The following PORCN variants were observed in gnomAD, a reference collection of about 807,000 sequenced individuals.
PORCN encodes porcupine O-acyltransferase, also known as protein-serine O-palmitoleoyltransferase porcupine.
A neutral mutation model predicts 43.0 loss-of-function variants in PORCN; 1 was observed. That is an observed-to-expected ratio of 0.02 (90% CI 0.01 to 0.11). The LOEUF is 0.11. Among genes scored for constraint, PORCN ranks in the 10% least tolerant of loss-of-function variants. PORCN has a pLI of 1.00. For missense variants in PORCN, 240 were observed against 392.1 expected (o/e 0.61, Z 3.28); for synonymous variants, 148 against 166.4 (o/e 0.89, Z 0.85).
chrX:48,513,977 G>A (rs992177867), intron 7 of PORCN, 150 bp from the exon 8 acceptor site: 3 of 611,380 alleles, frequency 4.9e-6, no homozygotes, highest in African/African-American at 2.2e-5. Flanking sequence ...AACTGCCTGA[G>A]GGTGGATGTC....
Position 48,515,733 on chromosome X carries a change from T to C in PORCN, c.963T>C (p.Ala321=). The change falls in exon 11 of 15, where the codon GCT becomes GCC. Residue 321 remains alanine, a synonymous_variant. Coordinates refer to ENST00000326194, the MANE Select transcript of PORCN (RefSeq NM_203475.3). ...YWLNNYVFKN[A]LRLGTFSAVL... ...CCCCTCCAGATGTTTTCAAGAATGCTCTCCGCCTGGGGACCTTCTCGGCTG... is the reference window on the plus strand; with the variant it reads ...CCCCTCCAGATGTTTTCAAGAATGCCCTCCGCCTGGGGACCTTCTCGGCTG... 1 of 1,209,260 alleles carries C rather than the reference T, an allele frequency of 8.3e-7. No homozygotes were observed. Among genetic ancestry groups the C allele is most frequent in the Non-Finnish European group, 1.1e-6 (1 of 894,229 alleles).
Position 48,517,310 on chromosome X carries a change from G to A in PORCN, c.1284+17G>A. 3 of 1,091,357 alleles carry A rather than the reference G, an allele frequency of 2.7e-6. No homozygotes were observed. Among genetic ancestry groups the A allele is most frequent in the Non-Finnish European group, 3.7e-6 (3 of 803,741 alleles). The allele number at this position is 1,091,357 out of a possible 1,213,427, so 89.9% of individuals were successfully genotyped here. Reference sequence around the variant, plus strand: ...GAGGAGCAGGTGAGGTGGGGCCCTGGGCTGTGTGGTTAACCAAGGGTGGCG... The same window carrying A: ...GAGGAGCAGGTGAGGTGGGGCCCTGAGCTGTGTGGTTAACCAAGGGTGGCG... On this transcript the variant is annotated intron_variant, in intron 14 of 14. Transcript: ENST00000326194.
In PORCN at chrX:48,509,962, T is replaced by C. The variant is rs1556973546; in HGVS notation, c.136+6T>C. On this transcript the variant is annotated splice_donor_region_variant and intron_variant, in intron 2 of 14. Coordinates refer to ENST00000326194, the MANE Select transcript of PORCN (RefSeq NM_203475.3). ...CCGCCTCCTCTGGAGGCTCGGTAAG[T>C]GCCTGCCATACCGTGTGCCACCATG... The C allele has an allele frequency of 1.7e-6, 2 of 1,181,435 alleles. No homozygotes were observed. Among genetic ancestry groups the C allele is most frequent in the South Asian group, 3.6e-5 (2 of 56,293 alleles).
rs201993835 is a variant in PORCN, at chrX:48,509,946, C to G, written c.126C>G (p.Leu42=). The G allele has an allele frequency of 9.3e-5, 112 of 1,204,029 alleles. No homozygotes were observed. The highest frequency in any genetic ancestry group is 3.4e-5 in the Non-Finnish European group (30 of 890,192). The change falls in exon 2 of 15, where the codon CTC becomes CTG. Residue 42 remains leucine, a synonymous_variant. Coordinates refer to ENST00000326194, the MANE Select transcript of PORCN (RefSeq NM_203475.3). ...LLAICLACRL[L]WRLGLPSYLK... is the part of the protein sequence containing the mutation. The stretch of plus-strand genomic sequence containing the variant: ...CCATCTGCCTCGCCTGCCGCCTCCT[C>G]TGGAGGCTCGGTAAGTGCCTGCCAT...
chrX:48,517,842 T>C (rs2061730503), intron 14 of PORCN, among the ~76,000 whole-genome samples: 1 of 110,438 alleles, frequency 9.1e-6, no homozygotes, highest in Non-Finnish European at 1.9e-5. Context: ...AGAGATGGAG[T>C]GGAAAATCCA....
At position 48,514,256 on chromosome X, in the gene PORCN, G is replaced by A; in HGVS notation, c.736G>A (p.Glu246Lys). ...GTMVRWLRAY[E>K]SAVSFHFSNY... is the part of the protein sequence containing the mutation. ...TCTCCCCAGGTGGCTGCGAGCCTAC[G>A]AGAGTGCTGTCTCCTTCCACTTCAG... The change falls in exon 9 of 15, where the codon GAG becomes AAG. Residue 246 changes from glutamate (E) to lysine (K), a missense_variant. Physicochemically the swap from Glu to Lys is moderately conservative, Grantham distance 56. Coordinates refer to ENST00000326194, the MANE Select transcript of PORCN (RefSeq NM_203475.3). 1.7e-6 allele frequency: 2 copies of A among 1,211,979 alleles called. No individual in the cohort carries two copies. The highest frequency in any genetic ancestry group is 1.1e-6 in the Non-Finnish European group (1 of 895,549).
chrX:48,511,178 C>T, intron 2 of PORCN, 117 bp from the exon 3 acceptor site: 3 of 664,127 alleles, frequency 4.5e-6, no homozygotes, highest in Non-Finnish European at 7.0e-6. Context: ...AGCCCACCAA[C>T]CTTCTCTTTC....
Position 48,517,520 on chromosome X carries a change from TATAAA to T in PORCN, c.1284+232_1284+236del, listed in dbSNP as rs781841449. ...GCAAAATATGTTTATTTATTTTACT[TATAAA>T]ATAACTTTTAGGCTGGGCATGCTGG... On this transcript the variant is annotated intron_variant, in intron 14 of 14. Coordinates refer to ENST00000326194, the MANE Select transcript of PORCN (RefSeq NM_203475.3). Among the ~76,000 whole-genome samples the T allele has an allele frequency of 6.8e-3, 759 of 112,310 alleles. 4 individuals carry two copies. Among genetic ancestry groups the T allele is most frequent in the Non-Finnish European group, 0.011 (610 of 53,262 alleles).
intron 14 of PORCN, among the ~76,000 whole-genome samples, chrX:48,518,226 T>C (rs1484851500): frequency 9.1e-6 from 1 of 109,583 alleles, no homozygotes; most frequent in Non-Finnish European, 1.9e-5. Context: ...TTTAAATATA[T>C]ATATATATTT....
In PORCN at chrX:48,515,421, A is replaced by G. The variant is rs1310446660; in HGVS notation, c.947-296A>G. 8 of 394,623 alleles carry G rather than the reference A, an allele frequency of 2.0e-5. No individual in the cohort carries two copies. In the East Asian group the frequency reaches 3.1e-4, roughly 15 times the overall value. The allele number at this position is 394,623 out of a possible 1,213,427, so 32.5% of individuals were successfully genotyped here. ...GGCATATTCTGAAGGTGGAACTCACACAATTTGCTGAATTTGGATGTGGGA... is the reference window on the plus strand; with the variant it reads ...GGCATATTCTGAAGGTGGAACTCACGCAATTTGCTGAATTTGGATGTGGGA... On this transcript the variant is annotated intron_variant, in intron 10 of 14. Transcript: ENST00000326194.
rs782302147 is a variant in PORCN at position 48,519,378 on chromosome X, T to C, written c.1285-997T>C. On this transcript the variant is annotated intron_variant, in intron 14 of 14. Coordinates refer to ENST00000326194, the MANE Select transcript of PORCN (RefSeq NM_203475.3). ...CCTAAAGATAACACATGAATGATACTGTTCTGCAATTTTTGAAAATCTTCC... is the reference window on the plus strand; with the variant it reads ...CCTAAAGATAACACATGAATGATACCGTTCTGCAATTTTTGAAAATCTTCC... 3.5e-5 allele frequency among the ~76,000 whole-genome samples: 4 copies of C among 112,984 alleles called. No individual in the cohort carries two copies. In the South Asian group the frequency reaches 1.4e-3, roughly 40 times the overall value.
intron 3 of PORCN, 130 bp from the exon 4 acceptor site, chrX:48,511,762 T>G: frequency 1.5e-6 from 1 of 660,520 alleles, no homozygotes; most frequent in African/African-American, 2.1e-5. Flanking sequence ...GGAGAATTTT[T>G]CCACCATGAG....
At chrX:48,515,992 T>A in intron 12 of PORCN, 39 bp downstream of exon 12, 1 of 1,204,895 alleles carries the variant, frequency 8.3e-7, no homozygotes, top group South Asian at 1.8e-5. Context: ...GATAGAAGGT[T>A]GGTGGGGGGG....
chrX:48,509,333 AC>A (rs1289132509), intron 1 of PORCN: 13 of 262,127 alleles, frequency 5.0e-5, no homozygotes, highest in African/African-American at 2.1e-4. Flanking sequence ...GATACAGGAC[AC>A]CCCCCCTCCC....
At chrX:48,516,029 C>T in intron 12 of PORCN, 32 bp from the exon 13 acceptor site, 2 of 1,206,577 alleles carry the variant, frequency 1.7e-6, no homozygotes, top group Non-Finnish European at 2.2e-6. Flanking sequence ...CTGAGGCTAA[C>T]CTGACCCCCT....
chrX:48,516,348 G>A (rs925589402), intron 13 of PORCN: 52 of 465,723 alleles, frequency 1.1e-4, no homozygotes, highest in South Asian at 3.0e-4. Context: ...CCTGGCATTC[G>A]TTTCCCCCAG....
chrX:48,512,436 G>T lies in PORCN; in HGVS notation c.484G>T (p.Val162Leu). Residue 162 changes from valine to leucine, a missense_variant, in exon 5 of 15, where the codon GTG becomes TTG. Coordinates refer to ENST00000326194, the MANE Select transcript of PORCN (RefSeq NM_203475.3). ...GGAGTTCATGGGCTACCTCTACTTC[G>T]TGGGCACCATCGTCTTCGGGCCCTG... ...PVEFMGYLYF[V>L]GTIVFGPWIS... is the part of the protein sequence containing the mutation. 2 of 1,210,838 alleles carry T rather than the reference G, an allele frequency of 1.7e-6. No homozygotes were observed. Among genetic ancestry groups the T allele is most frequent in the Non-Finnish European group, 2.2e-6 (2 of 895,075 alleles).
rs782545759 is a variant in PORCN, at chrX:48,511,220, CCCTT to C, written c.137-71_137-68del. ...TCCCTCTCTCTCTCCCTCCCTCCCT[CCCTT>C]CCTCCCACTCCCTCTCTTTCTCTCT... On this transcript the variant is annotated intron_variant, in intron 2 of 14. Coordinates refer to ENST00000326194, the MANE Select transcript of PORCN (RefSeq NM_203475.3). 1.5e-5 allele frequency: 7 copies of C among 464,224 alleles called. No individual in the cohort carries two copies. The East Asian group carries it at 1.9e-4, about 13-fold the overall frequency. 38.3% of individuals were successfully genotyped at this position (464,224 alleles called of 1,213,427 possible). A position where few individuals can be genotyped will look rare whatever the true frequency, so the allele number is the denominator to read the frequency against.
intron 1 of PORCN, among the ~76,000 whole-genome samples, 168 bp downstream of exon 1, chrX:48,509,271 G>A (rs2061656431): frequency 9.0e-6 from 1 of 111,600 alleles, no homozygotes; most frequent in South Asian, 3.8e-4. Flanking sequence ...GACCTGGGCA[G>A]GACTTTGTTG....
Sources: allele counts gnomAD v4.1 joint callset (sites outside exome capture counted in the v4.1 genomes callset), GRCh38; gene constraint gnomAD v4.1.1; transcripts MANE v1.5; gene names NCBI Gene and HGNC (gene_info 2026-07-23, HGNC 2026-07-21).